Variants in ACOT8 observed in about 807,000 individuals in gnomAD.
ACOT8 encodes acyl-coenzyme A thioesterase 8.
In ACOT8, 31 loss-of-function variants were observed where a neutral mutation model predicts 38.4. The observed-to-expected ratio is 0.81, with a 90% CI of 0.61 to 1.09. ACOT8 has a LOEUF of 1.09. ACOT8 is among the 50% of genes least tolerant of loss of function. The pLI is 0.00. For missense variants in ACOT8, 373 were observed against 421.8 expected (o/e 0.88, Z 1.01); for synonymous variants, 158 against 170.3 (o/e 0.93, Z 0.56).
chr20:45,852,270 C>A (rs948891620), intron 2 of ACOT8, among the ~76,000 whole-genome samples: 1 of 151,842 alleles, frequency 6.6e-6, no homozygotes, highest in Non-Finnish European at 1.5e-5. Flanking sequence ...AGGGTTCAAG[C>A]GATTCTCCTG....
At chr20:45,848,747 T>C in intron 2 of ACOT8, 72 bp from the exon 3 acceptor site, 1 of 1,296,560 alleles carries the variant, frequency 7.7e-7, no homozygotes. Flanking sequence ...GGCACTCTAC[T>C]ACTCATCTTC....
At chr20:45,857,100 G>C in intron 1 of ACOT8, 88 bp downstream of exon 1, 1 of 1,489,876 alleles carries the variant, frequency 6.7e-7, no homozygotes, top group South Asian at 1.3e-5. Flanking sequence ...AGCCATACTA[G>C]TCCCGGAGCC....
At chr20:45,852,771 T>C (rs533426467) in intron 2 of ACOT8, among the ~76,000 whole-genome samples, 134 of 152,306 alleles carry the variant, frequency 8.8e-4, no homozygotes, top group African/African-American at 3.2e-3. Flanking sequence ...TTTATTTATT[T>C]ATTTATTTTT....
intron 2 of ACOT8, among the ~76,000 whole-genome samples, chr20:45,851,360 T>TG: frequency 1.3e-5 from 2 of 151,960 alleles, no homozygotes; most frequent in Non-Finnish European, 2.9e-5. Context: ...CCACCAAACT[T>TG]GGGGGGAAAA....
intron 2 of ACOT8, among the ~76,000 whole-genome samples, chr20:45,852,108 A>G (rs1415599525): frequency 6.6e-6 from 1 of 151,764 alleles, no homozygotes; most frequent in African/African-American, 2.4e-5. Flanking sequence ...TCCTTGCCTC[A>G]GCCTCAGCCT....
chr20:45,853,629 G>A (rs1243805360), intron 2 of ACOT8: 1 of 207,394 alleles, frequency 4.8e-6, no homozygotes, highest in Non-Finnish European at 9.9e-6. Flanking sequence ...CACTAGGCTG[G>A]AAGGATTACA....
rs1363241682 is a variant in ACOT8 at position 45,855,142 on chromosome 20, G to A, written c.262+17C>T. ...GGGCCACCAGGGTTGGGTTGGGGCA[G>A]GAAGTGGGGGGTTTACCTGCCCGAA... On this transcript the variant is annotated intron_variant, in intron 2 of 5. Transcript: ENST00000217455. The A allele has an allele frequency of 1.9e-6, 3 of 1,613,096 alleles. No homozygotes were observed. Among genetic ancestry groups the A allele is most frequent in the South Asian group, 1.1e-5 (1 of 91,036 alleles).
chr20:45,843,746 G>C, intron 4 of ACOT8, 25 bp from the exon 5 acceptor site: 2 of 1,601,534 alleles, frequency 1.2e-6, no homozygotes, highest in Non-Finnish European at 1.7e-6. Context: ...CATCAGCCCT[G>C]GGCTCCTGGG....
At chr20:45,852,042 T>A (rs927317458) in intron 2 of ACOT8, among the ~76,000 whole-genome samples, 3 of 152,078 alleles carry the variant, frequency 2.0e-5, no homozygotes, top group Admixed American at 2.0e-4. Flanking sequence ...CAGGTGGGAG[T>A]GCAGTGGCGC....
Position 45,857,374 on chromosome 20 carries a change from A to G in ACOT8, c.-59T>C, listed in dbSNP as rs1601107327. ...CCGCGGAAGACGCGGAGACATACAC[A>G]GAACCTGACTCTTCCGGCAGATTGC... On this transcript the variant is annotated 5_prime_UTR_variant, in exon 1 of 6. Transcript: ENST00000217455. 7 of 1,530,880 alleles carry G rather than the reference A, an allele frequency of 4.6e-6. No individual in the cohort carries two copies. In the East Asian group the frequency reaches 9.8e-5, roughly 22 times the overall value. 94.8% of individuals were successfully genotyped at this position (1,530,880 alleles called of 1,614,324 possible). A position where few individuals can be genotyped will look rare whatever the true frequency, so the allele number is the denominator to read the frequency against.
intron 5 of ACOT8, chr20:45,842,973 C>G (rs1984353650): frequency 2.1e-5 from 21 of 1,021,708 alleles, no homozygotes; most frequent in South Asian, 3.7e-5. Flanking sequence ...GTTTCTCTCC[C>G]CTGCAAGGAA....
chr20:45,843,541 T>A lies in ACOT8; in HGVS notation c.827A>T (p.Glu276Val), dbSNP rs1430575433. 1 of 1,609,464 alleles carries A rather than the reference T, an allele frequency of 6.2e-7. No individual in the cohort carries two copies. The highest frequency in any genetic ancestry group is 1.3e-5 in the African/African-American group (1 of 74,844). Reference protein sequence around the residue: ...RADHWMLYECESPWAGGSRGL... With the variant: ...RADHWMLYECVSPWAGGSRGL... ...CCCACACTCACCGGCCCAGGGGCTC[T>A]CGCATTCATAGAGCATCCAGTGGTC... The change falls in exon 5 of 6, where the codon GAG becomes GTG. Residue 276 changes from glutamate to valine, a missense_variant. Glu to Val is a moderately radical substitution (Grantham distance 121, BLOSUM62 -2). Transcript: ENST00000217455.
At chr20:45,854,550 G>C (rs964475532) in intron 2 of ACOT8, among the ~76,000 whole-genome samples, 10 of 152,140 alleles carry the variant, frequency 6.6e-5, no homozygotes, top group African/African-American at 2.2e-4. Flanking sequence ...CCCCAGAGCT[G>C]TAAGAAGCTG....
At chr20:45,849,949 C>A (rs1008425206) in intron 2 of ACOT8, among the ~76,000 whole-genome samples, 1 of 152,158 alleles carries the variant, frequency 6.6e-6, no homozygotes, top group Admixed American at 6.5e-5. Flanking sequence ...TGGCTCACAC[C>A]TGTAATCCCA....
intron 1 of ACOT8, 87 bp downstream of exon 1, chr20:45,857,101 T>C: frequency 6.7e-7 from 1 of 1,489,802 alleles, no homozygotes; most frequent in Non-Finnish European, 9.1e-7. Flanking sequence ...GCCATACTAG[T>C]CCCGGAGCCA....
Position 45,857,182 on chromosome 20 carries a change from G to T in ACOT8, c.128+6C>A. Reference sequence around the variant, plus strand: ...GAGGGGATGCTGGGCAGGAGCTGCCGGCTACCTGAAGAGATCCTCGTCCAG... The same window carrying T: ...GAGGGGATGCTGGGCAGGAGCTGCCTGCTACCTGAAGAGATCCTCGTCCAG... On this transcript the variant is annotated splice_donor_region_variant and intron_variant, in intron 1 of 5. Transcript: ENST00000217455. 6.2e-7 allele frequency: 1 copy of T among 1,609,620 alleles called. No individual in the cohort carries two copies. The highest frequency in any genetic ancestry group is 8.5e-7 in the Non-Finnish European group (1 of 1,177,104).
intron 1 of ACOT8, among the ~76,000 whole-genome samples, chr20:45,856,413 C>T (rs1315149623): frequency 6.6e-6 from 1 of 152,034 alleles, no homozygotes; most frequent in Non-Finnish European, 1.5e-5. Flanking sequence ...GGGCTGGGCG[C>T]GGTGGCTCAT....
Position 45,857,257 on chromosome 20 carries a change from G to A in ACOT8, c.59C>T (p.Pro20Leu). 6.2e-7 allele frequency: 1 copy of A among 1,613,598 alleles called. No individual in the cohort carries two copies. The highest frequency in any genetic ancestry group is 8.5e-7 in the Non-Finnish European group (1 of 1,179,958). ...GACCAAGACGCTACGGAGGTCCCCAGGGGGATCGCCGCGGTCGCCACAGCC... is the reference window on the plus strand; with the variant it reads ...GACCAAGACGCTACGGAGGTCCCCAAGGGGATCGCCGCGGTCGCCACAGCC... ...GQGCGDRGDP[P>L]GDLRSVLVTT... The change falls in exon 1 of 6, where the codon CCT (proline) becomes CTT (leucine). Residue 20 changes from proline to leucine, a missense_variant. Physicochemically the swap from Pro to Leu is moderately conservative, Grantham distance 98. Transcript: ENST00000217455.
In ACOT8 at chr20:45,844,766, A is replaced by AAG. The variant is rs1318689644; in HGVS notation, c.489-347_489-346insCT. On this transcript the variant is annotated intron_variant, in intron 3 of 5. Transcript: ENST00000217455. ...CCCTGTAATATGCACTGTTCTAAGC[A>AAG]TTGTACATACAATAGTATTCCTCAC... 2.3e-3 allele frequency among the ~76,000 whole-genome samples: 352 copies of AAG among 152,110 alleles called. 1 individual carries two copies. Among genetic ancestry groups the AAG allele is most frequent in the Non-Finnish European group, 4.0e-3 (270 of 68,034 alleles).
Sources: allele counts gnomAD v4.1 joint callset (sites outside exome capture counted in the v4.1 genomes callset), GRCh38; gene constraint gnomAD v4.1.1; transcripts MANE v1.5; gene names NCBI Gene and HGNC (gene_info 2026-07-23, HGNC 2026-07-21).